Variants in ANKS1B observed in about 807,000 individuals in gnomAD.
The protein encoded by ANKS1B is ankyrin repeat and sterile alpha motif domain containing 1B.
A neutral mutation model predicts 148.3 loss-of-function variants in ANKS1B; 36 were observed. The ratio of observed to expected loss-of-function variants is 0.24; its 90% confidence interval spans 0.19 to 0.32. The LOEUF is 0.32. Ranked by LOEUF, ANKS1B falls within the 10% of genes least tolerant of loss-of-function variation. ANKS1B has a pLI of 1.00. For synonymous variants in ANKS1B, 542 were observed against 560.8 expected, an observed-to-expected ratio of 0.97 and a Z score of 0.47; for missense variants, 1,157 against 1,542.6, an observed-to-expected ratio of 0.75 and a Z score of 4.19.
intron 17 of ANKS1B, among the ~76,000 whole-genome samples, chr12:98,870,012 T>C (rs1337997600): frequency 6.6e-6 from 1 of 152,108 alleles, no homozygotes; most frequent in East Asian, 1.9e-4. Flanking sequence ...GTGCAGTAGT[T>C]AAGAGGGAAT....
intron 1 of ANKS1B, among the ~76,000 whole-genome samples, chr12:99,865,739 A>T (rs1313797559): frequency 6.6e-6 from 1 of 152,214 alleles, no homozygotes; most frequent in Non-Finnish European, 1.5e-5. Flanking sequence ...AGAAATATTT[A>T]GTTGGTCTTT....
intron 14 of ANKS1B, among the ~76,000 whole-genome samples, chr12:99,176,457 C>A (rs2078391952): frequency 6.6e-6 from 1 of 152,132 alleles, no homozygotes; most frequent in South Asian, 2.1e-4. Flanking sequence ...CGATCATGAT[C>A]ACCTTGATTC....
chr12:99,422,990 A>AT lies in ANKS1B; in HGVS notation c.1575+20682dup, dbSNP rs573352701. On this transcript the variant is annotated intron_variant, in intron 11 of 26. Transcript: ENST00000683438. ...GAAGAGGTTCAGAAAGGTTTTAAAC[A>AT]TTTTTTGGCAAAGTATTGAGGTAAT... Among the ~76,000 whole-genome samples, 43 of 152,302 alleles carry AT rather than the reference A, an allele frequency of 2.8e-4. No individual in the cohort carries two copies. In the South Asian group the frequency reaches 5.2e-3, roughly 18 times the overall value.
chr12:99,181,195 A>T (rs2153856217), intron 14 of ANKS1B, among the ~76,000 whole-genome samples: 2 of 152,140 alleles, frequency 1.3e-5, no homozygotes, highest in Middle Eastern at 6.8e-3. Context: ...ATGTTCTGTT[A>T]TAGGGATGTT....
intron 1 of ANKS1B, among the ~76,000 whole-genome samples, chr12:99,870,779 G>A (rs528030979): frequency 1.3e-5 from 2 of 152,064 alleles, no homozygotes; most frequent in Admixed American, 6.6e-5. Context: ...TTTGGTTTTT[G>A]CTTTTTGAAA....
chr12:99,654,921 C>A lies in ANKS1B; in HGVS notation c.1272+146G>T, dbSNP rs2098442981. On this transcript the variant is annotated intron_variant, in intron 9 of 26. Coordinates refer to ENST00000683438, the MANE Select transcript of ANKS1B (RefSeq NM_001352186.2). Reference sequence around the variant, plus strand: ...CACACCAAGTTATATGCACATTTTACTTGACACTTTGAGAAAAACCACAAG... The same window carrying A: ...CACACCAAGTTATATGCACATTTTAATTGACACTTTGAGAAAAACCACAAG... 5 of 844,916 alleles carry A rather than the reference C, an allele frequency of 5.9e-6. No homozygotes were observed. In the Admixed American group the frequency reaches 1.5e-4, roughly 25 times the overall value. 52.3% of individuals were successfully genotyped at this position (844,916 alleles called of 1,614,324 possible).
At chr12:99,378,050 G>A (rs1469672666) in intron 12 of ANKS1B, among the ~76,000 whole-genome samples, 1 of 152,124 alleles carries the variant, frequency 6.6e-6, no homozygotes, top group African/African-American at 2.4e-5. Flanking sequence ...CAAATCCAGG[G>A]TGGGACTATA....
intron 1 of ANKS1B, among the ~76,000 whole-genome samples, chr12:99,948,166 G>A (rs1378576527): frequency 6.6e-6 from 1 of 152,074 alleles, no homozygotes; most frequent in Non-Finnish European, 1.5e-5. Context: ...AAATCTTAGA[G>A]GGCCATCTTA....
In ANKS1B at chr12:99,870,811, T is replaced by C. The variant is rs1048295192; in HGVS notation, c.135-45422A>G. Reference sequence around the variant, plus strand: ...GAAATGTTTAAGTTCCTTATAGATTTTGGATATTAAACATTTGTCAGATGT... The same window carrying C: ...GAAATGTTTAAGTTCCTTATAGATTCTGGATATTAAACATTTGTCAGATGT... On this transcript the variant is annotated intron_variant, in intron 1 of 26. Transcript: ENST00000683438. 3.3e-5 allele frequency among the ~76,000 whole-genome samples: 5 copies of C among 152,156 alleles called. 1 individual carries two copies. The highest frequency in any genetic ancestry group is 2.0e-4 in the Admixed American group (3 of 15,250).
At chr12:99,472,123 G>A (rs2096251345) in intron 10 of ANKS1B, among the ~76,000 whole-genome samples, 1 of 152,048 alleles carries the variant, frequency 6.6e-6, no homozygotes, top group Admixed American at 6.6e-5. Flanking sequence ...TGACCTAAAA[G>A]AAAATATGGC....
intron 1 of ANKS1B, among the ~76,000 whole-genome samples, chr12:99,957,387 AG>A (rs1294134560): frequency 1.3e-5 from 2 of 152,226 alleles, no homozygotes; most frequent in African/African-American, 4.8e-5. Flanking sequence ...AAAGTTACTA[AG>A]AGCACGAGCT....
At chr12:99,378,613 C>T (rs2093492768) in intron 12 of ANKS1B, among the ~76,000 whole-genome samples, 1 of 140,764 alleles carries the variant, frequency 7.1e-6, no homozygotes, top group Non-Finnish European at 1.5e-5. Flanking sequence ...CGAGATCACG[C>T]ACTGCACTCC....
At chr12:99,476,355 C>T (rs1016588871) in intron 10 of ANKS1B, among the ~76,000 whole-genome samples, 6 of 152,104 alleles carry the variant, frequency 3.9e-5, no homozygotes, top group African/African-American at 9.7e-5. Flanking sequence ...ATTGCCACTG[C>T]ACTCCAGCCT....
At chr12:99,272,346 A>C (rs2077142535) in intron 12 of ANKS1B, among the ~76,000 whole-genome samples, 1 of 152,208 alleles carries the variant, frequency 6.6e-6, no homozygotes, top group Non-Finnish European at 1.5e-5. Context: ...TTGAGAAATA[A>C]CATTAAAATC....
intron 14 of ANKS1B, among the ~76,000 whole-genome samples, chr12:99,157,332 A>T (rs2153826794): frequency 6.6e-6 from 1 of 152,330 alleles, no homozygotes; most frequent in Non-Finnish European, 1.5e-5. Flanking sequence ...ATAGTTGAAT[A>T]TACTACATGG....
intron 9 of ANKS1B, chr12:99,648,499 A>G (rs776179544): frequency 6.2e-6 from 10 of 1,614,144 alleles, no homozygotes; most frequent in Admixed American, 1.7e-5. Flanking sequence ...GAAAAGAGAA[A>G]GTCCGCCTGC....
chr12:99,085,718 A>G (rs1234069825), intron 15 of ANKS1B, among the ~76,000 whole-genome samples: 3 of 152,224 alleles, frequency 2.0e-5, no homozygotes, highest in East Asian at 3.8e-4. Context: ...TTGCAGGGAC[A>G]TGGATGGAGC....
chr12:99,958,909 T>C (rs939498375), intron 1 of ANKS1B, among the ~76,000 whole-genome samples: 4 of 152,120 alleles, frequency 2.6e-5, no homozygotes, highest in Admixed American at 2.6e-4. Flanking sequence ...AATTAATGTT[T>C]TGCATTTCAT....
chr12:99,375,429 G>A (rs548032136), intron 12 of ANKS1B, among the ~76,000 whole-genome samples: 1 of 152,276 alleles, frequency 6.6e-6, no homozygotes, highest in African/African-American at 2.4e-5. Context: ...ATTTGGGAAA[G>A]TTACTATTTT....
Sources: allele counts gnomAD v4.1 joint callset (sites outside exome capture counted in the v4.1 genomes callset), GRCh38; gene constraint gnomAD v4.1.1; transcripts MANE v1.5; gene names NCBI Gene and HGNC (gene_info 2026-07-23, HGNC 2026-07-21).